The following PRKN variants were observed in gnomAD, a reference collection of about 807,000 sequenced individuals.
The protein encoded by PRKN is parkin RBR E3 ubiquitin protein ligase.
Under a neutral mutation model 59.5 loss-of-function variants are expected in PRKN, and 56 were observed. That is an observed-to-expected ratio of 0.94 (90% CI 0.76 to 1.18). PRKN has a LOEUF of 1.18. Among genes scored for constraint, PRKN ranks in the 50% most tolerant of loss-of-function variants. PRKN has a pLI of 0.00. For missense variants in PRKN, 657 were observed against 596.4 expected (o/e 1.10, Z -1.06); for synonymous variants, 250 against 222.1 (o/e 1.13, Z -1.12).
chr6:161,698,174 A>G (rs1016064808), intron 7 of PRKN, among the ~76,000 whole-genome samples: 1 of 152,180 alleles, frequency 6.6e-6, no homozygotes, highest in African/African-American at 2.4e-5. Context: ...TTAAAGATCT[A>G]TATATTTAAA....
At position 161,560,533 on chromosome 6, in the gene PRKN, T is replaced by C. The variant is rs1780420290; in HGVS notation, c.933+8822A>G. ...GTTCTCACCTTTTCTCCGATTCTTG[T>C]CATCATTCTGGGGACTTGAACTCCT... On this transcript the variant is annotated intron_variant, in intron 8 of 11. Coordinates refer to ENST00000366898, the MANE Select transcript of PRKN (RefSeq NM_004562.3). This position sits in a 1 kb window ranked among gnomAD's most constrained non-coding sequence, Gnocchi z 4.9. Among the ~76,000 whole-genome samples, 2 of 152,302 alleles carry C rather than the reference T, an allele frequency of 1.3e-5. No homozygotes were observed. The highest frequency in any genetic ancestry group is 2.1e-4 in the South Asian group (1 of 4,826).
At chr6:162,712,732 C>T (rs1343291366) in intron 1 of PRKN, among the ~76,000 whole-genome samples, 5 of 152,166 alleles carry the variant, frequency 3.3e-5, no homozygotes, top group African/African-American at 1.2e-4. Context: ...GACAATCATC[C>T]CCATACTTAA....
In PRKN at chr6:161,466,383, T is replaced by C. The variant is rs1486650292; in HGVS notation, c.1084-79506A>G. ...GCTCTCTGATGGGTTAAAAAATCTC[T>C]GAAACTATGTAAGCTGTTTGGCTTG... On this transcript the variant is annotated intron_variant, in intron 9 of 11. Coordinates refer to ENST00000366898, the MANE Select transcript of PRKN (RefSeq NM_004562.3). This position sits in a 1 kb window ranked among gnomAD's most constrained non-coding sequence, Gnocchi z 5.0. Among the ~76,000 whole-genome samples, 1 of 152,238 alleles carries C rather than the reference T, an allele frequency of 6.6e-6. No individual in the cohort carries two copies. The highest frequency in any genetic ancestry group is 1.5e-5 in the Non-Finnish European group (1 of 68,042).
intron 5 of PRKN, among the ~76,000 whole-genome samples, chr6:162,030,227 A>G (rs757327203): frequency 7.2e-5 from 11 of 152,102 alleles, no homozygotes; most frequent in Non-Finnish European, 1.3e-4. Context: ...CCTACAACTA[A>G]TAATGCCACT....
chr6:162,646,727 TA>T (rs1778201712), intron 1 of PRKN, among the ~76,000 whole-genome samples: 1 of 152,182 alleles, frequency 6.6e-6, no homozygotes, highest in African/African-American at 2.4e-5. Flanking sequence ...TATAGCCTAC[TA>T]CACACCTAGG....
chr6:162,374,787 G>A (rs1172151365), intron 2 of PRKN, among the ~76,000 whole-genome samples: 1 of 151,920 alleles, frequency 6.6e-6, no homozygotes, highest in Non-Finnish European at 1.5e-5. Context: ...TTTTGGGGAG[G>A]CTACTATTAT....
At chr6:162,588,909 C>T (rs1173128438) in intron 1 of PRKN, among the ~76,000 whole-genome samples, 2 of 152,118 alleles carry the variant, frequency 1.3e-5, no homozygotes, top group Non-Finnish European at 2.9e-5. Context: ...TTCTGGGTGG[C>T]ACCTGGCACA....
intron 6 of PRKN, among the ~76,000 whole-genome samples, chr6:161,950,311 G>A (rs1304068660): frequency 5.9e-5 from 9 of 152,138 alleles, no homozygotes; most frequent in South Asian, 2.1e-4. Flanking sequence ...TTGGGAGGCC[G>A]AGGTGGGCAG....
In PRKN at chr6:161,503,466, T is replaced by G. The variant is rs974184344; in HGVS notation, c.1083+45388A>C. On this transcript the variant is annotated intron_variant, in intron 9 of 11. Transcript: ENST00000366898. This position sits in a 1 kb window ranked among gnomAD's most constrained non-coding sequence, Gnocchi z 5.1. ...AAATAACCTCTGCCACTAAATAACC[T>G]TTGCCCCCACTGCACTAAGACTTTT... 1.3e-5 allele frequency among the ~76,000 whole-genome samples: 2 copies of G among 152,168 alleles called. No homozygotes were observed. The highest frequency in any genetic ancestry group is 4.8e-5 in the African/African-American group (2 of 41,430).
At chr6:161,665,280 C>A (rs1784686207) in intron 7 of PRKN, among the ~76,000 whole-genome samples, 1 of 151,942 alleles carries the variant, frequency 6.6e-6, no homozygotes, top group Non-Finnish European at 1.5e-5. Context: ...CAAAAAAGGC[C>A]AACTCTATAT....
rs141898400 is a variant in PRKN, at chr6:161,946,518, G to A, written c.734+26784C>T. 7.7e-4 allele frequency among the ~76,000 whole-genome samples: 116 copies of A among 151,554 alleles called. No individual in the cohort carries two copies. The East Asian group carries it at 0.019, about 25-fold the overall frequency. On this transcript the variant is annotated intron_variant, in intron 6 of 11. Coordinates refer to ENST00000366898, the MANE Select transcript of PRKN (RefSeq NM_004562.3). ...AATCCTCAAATGCATGCATTTCAGA[G>A]TATTGATGGTGACACTGATAAAACA...
At chr6:162,198,994 A>G (rs941264329) in intron 4 of PRKN, among the ~76,000 whole-genome samples, 2 of 152,130 alleles carry the variant, frequency 1.3e-5, no homozygotes, top group Non-Finnish European at 2.9e-5. Flanking sequence ...CAGATTGATG[A>G]TTTCTTTTGA....
intron 6 of PRKN, among the ~76,000 whole-genome samples, chr6:161,917,776 A>T (rs76794729): frequency 0.016 from 2,388 of 152,340 alleles, 66 homozygotes; most frequent in African/African-American, 0.053. Flanking sequence ...TTAGTTTTTC[A>T]ATTTGCCTCC....
In PRKN at chr6:162,715,500, C is replaced by T. The variant is rs138201437; in HGVS notation, c.7+12162G>A. The stretch of plus-strand genomic sequence containing the variant: ...ATTATATTAAAGTACAGCTAATTGC[C>T]CTAATAGTTTAAAGATCCTAAGTGG... On this transcript the variant is annotated intron_variant, in intron 1 of 11. Transcript: ENST00000366898. 2.0e-5 allele frequency among the ~76,000 whole-genome samples: 3 copies of T among 152,178 alleles called. No individual in the cohort carries two copies. In the East Asian group the frequency reaches 5.8e-4, roughly 29 times the overall value.
At chr6:162,393,356 C>CACCATGCT (rs1311901610) in intron 2 of PRKN, among the ~76,000 whole-genome samples, 1 of 151,764 alleles carries the variant, frequency 6.6e-6, no homozygotes, top group Admixed American at 6.6e-5. Flanking sequence ...GACGGGGTTT[C>CACCATGCT]ACCATGCTGG....
chr6:162,218,911 C>A (rs567910766), intron 3 of PRKN, among the ~76,000 whole-genome samples: 1 of 152,158 alleles, frequency 6.6e-6, no homozygotes, highest in African/African-American at 2.4e-5. Flanking sequence ...TGGTGGCTCA[C>A]ACCTGTGATC....
At chr6:162,672,930 T>C (rs1779389417) in intron 1 of PRKN, among the ~76,000 whole-genome samples, 1 of 152,178 alleles carries the variant, frequency 6.6e-6, no homozygotes, top group Admixed American at 6.5e-5. Flanking sequence ...TATAAGAATA[T>C]ATCTTACAGA....
chr6:161,946,386 T>TCTCACACACA (rs1554253025), intron 6 of PRKN, among the ~76,000 whole-genome samples: 3 of 113,446 alleles, frequency 2.6e-5, no homozygotes, highest in African/African-American at 3.8e-5. Flanking sequence ...TGCATGCACA[T>TCTCACACACA]CACACACACA....
chr6:161,997,723 T>C lies in PRKN; in HGVS notation c.619-24306A>G, dbSNP rs142630525. ...AGTTTCTTTTCAGAAAACCAGCAGT[T>C]AGTGATAGAAACACCATTCCCAAAC... On this transcript the variant is annotated intron_variant, in intron 5 of 11. Transcript: ENST00000366898. Among the ~76,000 whole-genome samples the C allele has an allele frequency of 1.6e-3, 251 of 152,294 alleles. 1 individual carries two copies. Among genetic ancestry groups the C allele is most frequent in the African/African-American group, 5.6e-3 (234 of 41,554 alleles).
Sources: allele counts gnomAD v4.1 joint callset (sites outside exome capture counted in the v4.1 genomes callset), GRCh38; gene constraint gnomAD v4.1.1; non-coding constraint Gnocchi (gnomAD v3.1); transcripts MANE v1.5; gene names NCBI Gene and HGNC (gene_info 2026-07-23, HGNC 2026-07-21).